Variants in POMT2 observed in about 807,000 individuals in gnomAD.
POMT2 encodes protein O-mannosyl-transferase 2.
POMT2 carries 75 observed loss-of-function variants against 100.0 expected under a neutral mutation model. That is an observed-to-expected ratio of 0.75 (90% CI 0.62 to 0.91). The LOEUF is 0.91. Among genes scored for constraint, POMT2 ranks in the 40% least tolerant of loss-of-function variants. POMT2 has a pLI of 0.00. For synonymous variants in POMT2, 378 were observed against 374.1 expected (o/e 1.01, Z -0.12); for missense variants, 940 against 955.1 (o/e 0.98, Z 0.21).
intron 15 of POMT2, among the ~76,000 whole-genome samples, chr14:77,282,324 G>A (rs933382510): frequency 6.6e-6 from 1 of 152,144 alleles, no homozygotes; most frequent in South Asian, 2.1e-4. Flanking sequence ...AAATCTGGAT[G>A]GGCTCATTCC....
intron 3 of POMT2, among the ~76,000 whole-genome samples, chr14:77,305,350 T>C (rs1417147935): frequency 6.6e-6 from 1 of 152,028 alleles, no homozygotes; most frequent in South Asian, 2.1e-4. Flanking sequence ...ACCTGTTTGG[T>C]TTTTTGTTTT....
rs781243262 is a variant in POMT2, at chr14:77,280,501, G to A, written c.1654-38C>T. ...AGCAAAGAAAGCTAGTCAAGACAGAGATCTAGAGGGCTGACAGAAATGTGG... is the reference window on the plus strand; with the variant it reads ...AGCAAAGAAAGCTAGTCAAGACAGAAATCTAGAGGGCTGACAGAAATGTGG... On this transcript the variant is annotated intron_variant, in intron 15 of 20. Coordinates refer to ENST00000261534, the MANE Select transcript of POMT2 (RefSeq NM_013382.7). 8 of 1,613,830 alleles carry A rather than the reference G, an allele frequency of 5.0e-6. No individual in the cohort carries two copies. In the Admixed American group the frequency reaches 1.0e-4, roughly 20 times the overall value.
At chr14:77,300,841 A>G (rs1260329698) in intron 6 of POMT2, 1 of 496,918 alleles carries the variant, frequency 2.0e-6, no homozygotes, top group African/African-American at 2.0e-5. Context: ...AAAGACAGAC[A>G]TTATAAAACA....
intron 14 of POMT2, 138 bp from the exon 15 acceptor site, chr14:77,284,011 T>C (rs941519971): frequency 5.3e-6 from 4 of 761,344 alleles, no homozygotes; most frequent in African/African-American, 1.7e-5. Flanking sequence ...AGAAGAAAGC[T>C]TGGCCCAATT....
intron 15 of POMT2, among the ~76,000 whole-genome samples, chr14:77,282,782 T>C (rs1275827018): frequency 2.0e-5 from 3 of 152,206 alleles, no homozygotes; most frequent in Non-Finnish European, 4.4e-5. Context: ...ATGTACTGAG[T>C]ACTGCTTACA....
chr14:77,285,405 G>T (rs1890386533), intron 13 of POMT2, 76 bp downstream of exon 13: 1 of 1,578,554 alleles, frequency 6.3e-7, no homozygotes, highest in Admixed American at 1.7e-5. Context: ...GAAAACAAAA[G>T]CTTCTGGCAT....
intron 1 of POMT2, among the ~76,000 whole-genome samples, chr14:77,315,252 CT>C (rs1222366999): frequency 6.6e-6 from 1 of 152,156 alleles, no homozygotes; most frequent in Non-Finnish European, 1.5e-5. Flanking sequence ...GCCCCTAACC[CT>C]GAGGGAGCGA....
intron 1 of POMT2, 115 bp downstream of exon 1, chr14:77,320,315 TCCCC>T (rs1891816689): frequency 6.6e-7 from 1 of 1,510,154 alleles, no homozygotes; most frequent in South Asian, 1.2e-5. Flanking sequence ...TACCTCAAGT[TCCCC>T]TCCACCGTGG....
At chr14:77,278,894 T>C (rs1451406880) in intron 18 of POMT2, 25 bp from the exon 19 acceptor site, 1 of 1,610,594 alleles carries the variant, frequency 6.2e-7, no homozygotes, top group Non-Finnish European at 8.5e-7. Context: ...CACAGCCCAG[T>C]CAGAAGACAA....
At chr14:77,293,837 T>C (rs1338430151) in intron 9 of POMT2, among the ~76,000 whole-genome samples, 3 of 152,214 alleles carry the variant, frequency 2.0e-5, no homozygotes, top group Non-Finnish European at 2.9e-5. Context: ...AGTTTGGCCT[T>C]TCTCTCCCTT....
chr14:77,308,966 G>T (rs887500939), intron 2 of POMT2, among the ~76,000 whole-genome samples: 1 of 151,996 alleles, frequency 6.6e-6, no homozygotes, highest in African/African-American at 2.4e-5. Flanking sequence ...AAATACTTAC[G>T]GCACATCTAC....
rs1891228505 is a variant in POMT2 at position 77,306,338 on chromosome 14, C to T, written c.437G>A (p.Gly146Glu). Residue 146 changes from glycine (G) to glutamate (E), a missense_variant and splice_region_variant, in exon 3 of 21, where the codon GGA (glycine) becomes GAA (glutamate). By Grantham distance (98) the Gly-to-Glu change is moderately conservative. Transcript: ENST00000261534. ...YEHHSYMGMR[G>E]FCAFLGSWLV... ...CCATTTCAAGTCAGGAAGCCTTACT[C>T]CTCTCATTCCCATGTAGCTGTGATG... 1 of 1,612,234 alleles carries T rather than the reference C, an allele frequency of 6.2e-7. No homozygotes were observed. The highest frequency in any genetic ancestry group is 8.5e-7 in the Non-Finnish European group (1 of 1,178,512).
intron 2 of POMT2, among the ~76,000 whole-genome samples, chr14:77,310,986 T>A (rs577643934): frequency 6.6e-6 from 1 of 152,246 alleles, no homozygotes; most frequent in South Asian, 2.1e-4. Flanking sequence ...ATACAAAAAT[T>A]AGCCAGCGTG....
chr14:77,279,112 G>T, intron 18 of POMT2: 1 of 594,616 alleles, frequency 1.7e-6, no homozygotes, highest in Non-Finnish European at 3.0e-6. Context: ...GCAGGAGGCA[G>T]CCCAGCCTCT....
chr14:77,288,894 C>A, intron 10 of POMT2, 63 bp from the exon 11 acceptor site: 2 of 1,379,008 alleles, frequency 1.5e-6, no homozygotes, highest in Non-Finnish European at 2.1e-6. Flanking sequence ...TAATCAAGGG[C>A]CTACTGGTAA....
In POMT2 at chr14:77,301,222, C is replaced by A. The variant is rs1161879094; in HGVS notation, c.684G>T (p.Trp228Cys). 1.9e-6 allele frequency: 3 copies of A among 1,614,052 alleles called. No homozygotes were observed. Among genetic ancestry groups the A allele is most frequent in the Non-Finnish European group, 2.5e-6 (3 of 1,180,038 alleles). ...DRPFSAPWWFWLSLTGVSLAG... is the reference protein window; with the variant it reads ...DRPFSAPWWFCLSLTGVSLAG... ...CAAGACTAACGCCAGTCAGGCTGAGCCAGAACCACCAGGGGGCAGAGAAGG... is the reference window on the plus strand; with the variant it reads ...CAAGACTAACGCCAGTCAGGCTGAGACAGAACCACCAGGGGGCAGAGAAGG... Residue 228 changes from tryptophan (W) to cysteine (C), a missense_variant, in exon 6 of 21, where the codon TGG becomes TGT. Trp to Cys is a radical substitution (Grantham distance 215). Coordinates refer to ENST00000261534, the MANE Select transcript of POMT2 (RefSeq NM_013382.7).
At chr14:77,315,150 G>A (rs953275765) in intron 1 of POMT2, among the ~76,000 whole-genome samples, 3 of 152,180 alleles carry the variant, frequency 2.0e-5, no homozygotes, top group African/African-American at 7.2e-5. Context: ...TGTCTCATGG[G>A]GGGAAGGATG....
At chr14:77,311,347 CACATA>C (rs1341568619) in intron 2 of POMT2, among the ~76,000 whole-genome samples, 6 of 152,162 alleles carry the variant, frequency 3.9e-5, no homozygotes, top group South Asian at 2.1e-4. Flanking sequence ...CAGACAAATT[CACATA>C]ACATAACATC....
chr14:77,279,712 G>A, intron 18 of POMT2, 111 bp downstream of exon 18: 1 of 1,044,186 alleles, frequency 9.6e-7, no homozygotes, highest in Non-Finnish European at 1.4e-6. Flanking sequence ...AAGGGAAGGT[G>A]TGGGGTGGTA....
Sources: allele counts gnomAD v4.1 joint callset (sites outside exome capture counted in the v4.1 genomes callset), GRCh38; gene constraint gnomAD v4.1.1; transcripts MANE v1.5; gene names NCBI Gene and HGNC (gene_info 2026-07-23, HGNC 2026-07-21).